The following FLYWCH1 variants were observed in gnomAD, a reference collection of about 807,000 sequenced individuals.
FLYWCH1 encodes FLYWCH-type zinc finger 1.
A neutral mutation model predicts 66.4 loss-of-function variants in FLYWCH1; 75 were observed. The ratio of observed to expected loss-of-function variants is 1.13; its 90% CI spans 0.94 to 1.37. The LOEUF is 1.37. Ranked by LOEUF, FLYWCH1 falls within the 40% of genes most tolerant of loss-of-function variation. The pLI, the probability that FLYWCH1 is intolerant of heterozygous loss-of-function variation, is 0.00. For missense variants in FLYWCH1, 1,334 were observed against 1,001.8 expected (o/e 1.33, Z -4.48); for synonymous variants, 595 against 429.9 (o/e 1.38, Z -4.75).
chr16:2,929,251 G>C (rs1358251942), intron 2 of FLYWCH1, among the ~76,000 whole-genome samples: 1 of 152,198 alleles, frequency 6.6e-6, no homozygotes, highest in East Asian at 1.9e-4. Context: ...GGGTCAATAA[G>C]AACGTTCTGC....
At position 2,923,083 on chromosome 16, in the gene FLYWCH1, G is replaced by GT. The variant is rs1180228835; in HGVS notation, c.-73-6527dup. On this transcript the variant is annotated intron_variant, in intron 2 of 9. Transcript: ENST00000253928. ...GTTGTGCGGATCTATTTTTTTTATA[G>GT]TTTGTTTTGTGTGTGTGGCTGTTGT... 2.3e-4 allele frequency: 95 copies of GT among 415,238 alleles called. 1 individual carries two copies. Among genetic ancestry groups the GT allele is most frequent in the Non-Finnish European group, 2.1e-4 (46 of 216,448 alleles). The allele number at this position is 415,238 out of a possible 1,614,324, so 25.7% of individuals were successfully genotyped here. A position where few individuals can be genotyped will look rare whatever the true frequency, so the allele number is the denominator to read the frequency against.
At chr16:2,924,236 A>G (rs2070478491) in intron 2 of FLYWCH1, among the ~76,000 whole-genome samples, 1 of 151,852 alleles carries the variant, frequency 6.6e-6, no homozygotes, top group Non-Finnish European at 1.5e-5. Flanking sequence ...AGGCTGAGGC[A>G]GGAGAATGGC....
At chr16:2,919,943 C>A (rs566067121) in intron 2 of FLYWCH1, among the ~76,000 whole-genome samples, 123 of 152,144 alleles carry the variant, frequency 8.1e-4, no homozygotes, top group Admixed American at 3.7e-3. Flanking sequence ...GGAAAGACTC[C>A]AGGTGGCCTC....
chr16:2,945,786 AG>A (rs1357537303), intron 9 of FLYWCH1, among the ~76,000 whole-genome samples: 21 of 152,264 alleles, frequency 1.4e-4, no homozygotes, highest in Non-Finnish European at 2.2e-4. Context: ...TCATGAGATC[AG>A]GAGATCAAGA....
In FLYWCH1 at chr16:2,922,170, T is replaced by G. The variant is rs554365213; in HGVS notation, c.-73-7443T>G. ...GAAAATCTACCTTGTAGGGAGAAGC[T>G]TATTCACTGATAATGTTAGGGAAAT... On this transcript the variant is annotated intron_variant, in intron 2 of 9. Coordinates refer to ENST00000253928, the MANE Select transcript of FLYWCH1 (RefSeq NM_001308068.2). Among the ~76,000 whole-genome samples, 50 of 152,302 alleles carry G rather than the reference T, an allele frequency of 3.3e-4. 2 individuals carry two copies. The South Asian group carries it at 0.01, about 31-fold the overall frequency.
intron 2 of FLYWCH1, among the ~76,000 whole-genome samples, chr16:2,916,993 A>AT (rs1480946148): frequency 7.5e-6 from 1 of 134,074 alleles, no homozygotes; most frequent in African/African-American, 2.5e-5. Flanking sequence ...AAAAAAAAAA[A>AT]AAAATAACAA....
intron 9 of FLYWCH1, among the ~76,000 whole-genome samples, chr16:2,945,622 G>C (rs1485822739): frequency 1.6e-5 from 2 of 125,932 alleles, no homozygotes; most frequent in Non-Finnish European, 3.2e-5. Context: ...CAGCCTGGAA[G>C]ACTACATCTC....
intron 2 of FLYWCH1, among the ~76,000 whole-genome samples, chr16:2,924,596 C>T (rs1277208347): frequency 3.9e-5 from 6 of 152,194 alleles, no homozygotes; most frequent in African/African-American, 1.4e-4. Context: ...CCTGCAGACT[C>T]AGGGCCCTGG....
At position 2,942,707 on chromosome 16, in the gene FLYWCH1, T is replaced by C. The variant is rs533068575; in HGVS notation, c.2111+2615T>C. Among the ~76,000 whole-genome samples the C allele has an allele frequency of 3.1e-5, 4 of 127,792 alleles. No homozygotes were observed. In the East Asian group the frequency reaches 6.9e-4, roughly 22 times the overall value. 83.8% of individuals were successfully genotyped at this position (127,792 alleles called of 152,430 possible). On this transcript the variant is annotated intron_variant, in intron 9 of 9. Transcript: ENST00000253928. The stretch of plus-strand genomic sequence containing the variant: ...CCTGTGTGCAAGGTTCACCCTTGGC[T>C]GGCATCTGGGAACTTTTTTTTTTTT...
chr16:2,915,157 T>C (rs1265441608), intron 2 of FLYWCH1: 3 of 148,500 alleles, frequency 2.0e-5, no homozygotes, highest in African/African-American at 7.5e-5. Flanking sequence ...TTTTTTTTCC[T>C]GAGACAGTCT....
chr16:2,949,008 C>A lies in FLYWCH1; in HGVS notation c.*281C>A. On this transcript the variant is annotated 3_prime_UTR_variant, in exon 10 of 10. Coordinates refer to ENST00000253928, the MANE Select transcript of FLYWCH1 (RefSeq NM_001308068.2). ...ACCTTTGGAAGACATGACAAAGCTG[C>A]CTGGACACGGACGCCCCTGCTGTAC... is the stretch of plus-strand genomic sequence containing the variant. The A allele has an allele frequency of 2.1e-6, 1 of 474,424 alleles. No individual in the cohort carries two copies. The highest frequency in any genetic ancestry group is 3.5e-5 in the Admixed American group (1 of 28,736). The allele number at this position is 474,424 out of a possible 1,614,324, so 29.4% of individuals were successfully genotyped here. A position where few individuals can be genotyped will look rare whatever the true frequency, so the allele number is the denominator to read the frequency against.
intron 7 of FLYWCH1, 69 bp from the exon 8 acceptor site, chr16:2,938,115 C>A: frequency 6.8e-7 from 1 of 1,480,060 alleles, no homozygotes; most frequent in South Asian, 1.3e-5. Context: ...CTGGGGGATA[C>A]AAATCAGACC....
At chr16:2,934,299 C>T (rs982769442) in intron 6 of FLYWCH1, among the ~76,000 whole-genome samples, 1 of 152,166 alleles carries the variant, frequency 6.6e-6, no homozygotes, top group Admixed American at 6.5e-5. Flanking sequence ...GTGTTGACTG[C>T]ACATGGTCAG....
rs557037542 is a variant in FLYWCH1 at position 2,915,014 on chromosome 16, T to TAA, written c.-74+735_-74+736dup. Among the ~76,000 whole-genome samples, 166 of 142,048 alleles carry TAA rather than the reference T, an allele frequency of 1.2e-3. 2 individuals carry two copies. Among genetic ancestry groups the TAA allele is most frequent in the African/African-American group, 4.1e-3 (160 of 39,492 alleles). The allele number at this position is 142,048 out of a possible 152,430, so 93.2% of individuals were successfully genotyped here. A position where few individuals can be genotyped will look rare whatever the true frequency, so the allele number is the denominator to read the frequency against. On this transcript the variant is annotated intron_variant, in intron 2 of 9. Transcript: ENST00000253928. ...ACTGTAAAACAATGGGTATCTACTGTAAAAAAAAAAAGCACTTAAACTAGA... is the reference window on the plus strand; with the variant it reads ...ACTGTAAAACAATGGGTATCTACTGTAAAAAAAAAAAAAGCACTTAAACTAGA...
intron 9 of FLYWCH1, among the ~76,000 whole-genome samples, chr16:2,946,498 T>C (rs1390383910): frequency 1.3e-5 from 2 of 151,830 alleles, no homozygotes; most frequent in South Asian, 2.1e-4. Flanking sequence ...ATTTTTTGTA[T>C]TTTTAGTAGA....
intron 2 of FLYWCH1, among the ~76,000 whole-genome samples, chr16:2,916,229 T>C (rs541075175): frequency 6.6e-6 from 1 of 152,218 alleles, no homozygotes; most frequent in Non-Finnish European, 1.5e-5. Flanking sequence ...CCTGTAATCC[T>C]AGCTACTCAG....
Position 2,933,584 on chromosome 16 carries a change from TG to T in FLYWCH1, c.1249+3del. 6.3e-7 allele frequency: 1 copy of T among 1,582,168 alleles called. No homozygotes were observed. Among genetic ancestry groups the T allele is most frequent in the Non-Finnish European group, 8.6e-7 (1 of 1,163,842 alleles). On this transcript the variant is annotated splice_donor_region_variant and intron_variant, in intron 5 of 9. Transcript: ENST00000253928. ...ACCAGGACATGGACGCAGACCCGGG[TG>T]AGCTGCCTTCCTTTGGGGCTCACCG...
At chr16:2,947,817 G>C (rs943036435) in intron 9 of FLYWCH1, among the ~76,000 whole-genome samples, 4 of 150,762 alleles carry the variant, frequency 2.7e-5, no homozygotes, top group Admixed American at 2.6e-4. Context: ...CTGATCACAT[G>C]AGTTCAGGAG....
chr16:2,934,919 CTTTTTT>C, intron 6 of FLYWCH1: 2 of 144,176 alleles, frequency 1.4e-5, no homozygotes, highest in South Asian at 1.4e-4. Context: ...CTTGCACAGG[CTTTTTT>C]TTTTTTTTTT....
Sources: gnomAD v4.1 joint callset for allele counts (sites outside exome capture counted in the v4.1 genomes callset) on GRCh38, gnomAD v4.1.1 for gene constraint, MANE v1.5 for transcripts, NCBI Gene and HGNC (gene_info 2026-07-23, HGNC 2026-07-21) for gene names.